BPIFC: variants seen among roughly 807,000 people sequenced by gnomAD.
The protein encoded by BPIFC is BPI fold containing family C, also known as BPI fold-containing family C protein.
BPIFC carries 60 observed loss-of-function variants against 57.6 expected under a neutral mutation model. The observed-to-expected ratio is 1.04, with a 90% CI of 0.85 to 1.29. The LOEUF (loss-of-function observed/expected upper bound fraction) is 1.29, where lower values mean the gene tolerates loss of function less well. Among genes scored for constraint, BPIFC ranks in the 50% most tolerant of loss-of-function variants. The pLI is 0.00. For missense variants in BPIFC, 581 were observed against 600.5 expected (o/e 0.97, Z 0.34); for synonymous variants, 243 against 224.5 (o/e 1.08, Z -0.74).
chr22:32,432,163 C>T (rs1010434807), intron 12 of BPIFC, among the ~76,000 whole-genome samples: 1 of 151,590 alleles, frequency 6.6e-6, no homozygotes, highest in Non-Finnish European at 1.5e-5. Flanking sequence ...CCAGGCTGGT[C>T]TCTAACTCCT....
chr22:32,447,469 T>A, intron 4 of BPIFC, 129 bp from the exon 5 acceptor site: 1 of 1,109,432 alleles, frequency 9.0e-7, no homozygotes, highest in Non-Finnish European at 1.2e-6. Flanking sequence ...GAAAAGAACC[T>A]CCTGTCTGCA....
At chr22:32,424,645 T>C (rs199786011) in intron 13 of BPIFC, among the ~76,000 whole-genome samples, 1,014 of 29,796 alleles carry the variant, frequency 0.034, 179 homozygotes, top group East Asian at 0.27. Context: ...TCTTCTTCTC[T>C]TCTTCTTCTT....
In BPIFC at chr22:32,436,366, AG is replaced by A. The variant is rs1325416757; in HGVS notation, c.748-487del. ...GAGGAAGAGGAGGAGGAGGAGGAGG[AG>A]GAGGAGGAGGAAGAGGAGGAGGAGG... On this transcript the variant is annotated intron_variant, in intron 9 of 16. Transcript: ENST00000300399. 7.2e-4 allele frequency among the ~76,000 whole-genome samples: 72 copies of A among 100,262 alleles called. 2 individuals carry two copies. The highest frequency in any genetic ancestry group is 2.1e-3 in the African/African-American group (67 of 31,728). 65.8% of individuals were successfully genotyped at this position (100,262 alleles called of 152,430 possible).
intron 7 of BPIFC, among the ~76,000 whole-genome samples, chr22:32,443,125 C>T (rs560054884): frequency 3.6e-4 from 53 of 149,138 alleles, no homozygotes; most frequent in African/African-American, 1.2e-3. Flanking sequence ...CCTCTAGGAG[C>T]GGTTGCATGC....
chr22:32,430,131 G>A (rs1934199242), intron 13 of BPIFC, among the ~76,000 whole-genome samples: 1 of 152,144 alleles, frequency 6.6e-6, no homozygotes, highest in South Asian at 2.1e-4. Context: ...TGTGTCACAT[G>A]CATTTGACAG....
At chr22:32,453,527 C>T (rs1287260783) in intron 3 of BPIFC, 24 bp from the exon 4 acceptor site, 2 of 1,561,024 alleles carry the variant, frequency 1.3e-6, no homozygotes, top group Non-Finnish European at 1.7e-6. Context: ...AAGAAAGAAT[C>T]TGTTGATAAT....
At chr22:32,461,981 G>A (rs1258366881) in intron 1 of BPIFC, among the ~76,000 whole-genome samples, 1 of 151,884 alleles carries the variant, frequency 6.6e-6, no homozygotes, top group Non-Finnish European at 1.5e-5. Flanking sequence ...AGGCCATCCT[G>A]GCTAACATGG....
chr22:32,442,291 C>T (rs1238734295), intron 8 of BPIFC, among the ~76,000 whole-genome samples: 5 of 152,106 alleles, frequency 3.3e-5, no homozygotes, highest in East Asian at 3.9e-4. Flanking sequence ...TGCTAAGGTG[C>T]GAGGACTTGA....
chr22:32,462,201 A>G (rs1022738679), intron 1 of BPIFC, among the ~76,000 whole-genome samples: 10 of 150,788 alleles, frequency 6.6e-5, no homozygotes, highest in Non-Finnish European at 1.2e-4. Flanking sequence ...GAAAAAAGAA[A>G]AAAAAGAAAA....
intron 16 of BPIFC, among the ~76,000 whole-genome samples, chr22:32,414,728 G>A (rs1370496168): frequency 1.2e-4 from 19 of 152,192 alleles, no homozygotes; most frequent in South Asian, 6.2e-4. Flanking sequence ...TGGCCAGGCT[G>A]GTCTCGAACT....
At chr22:32,458,826 A>G (rs1935099456) in intron 2 of BPIFC, among the ~76,000 whole-genome samples, 1 of 152,220 alleles carries the variant, frequency 6.6e-6, no homozygotes, top group South Asian at 2.1e-4. Flanking sequence ...CCAGTACAAT[A>G]CCTGGCACAT....
At chr22:32,420,882 G>T (rs62241168) in intron 13 of BPIFC, among the ~76,000 whole-genome samples, 3 of 152,146 alleles carry the variant, frequency 2.0e-5, no homozygotes, top group African/African-American at 7.2e-5. Context: ...TACCTGCCTC[G>T]CAGGGCTGTA....
intron 7 of BPIFC, among the ~76,000 whole-genome samples, chr22:32,443,186 C>G (rs1345966918): frequency 7.3e-6 from 1 of 137,604 alleles, no homozygotes; most frequent in Admixed American, 7.8e-5. Context: ...TTTTTTGAGA[C>G]GAAGTCTCGC....
intron 13 of BPIFC, among the ~76,000 whole-genome samples, chr22:32,419,969 G>T (rs1933795048): frequency 6.6e-6 from 1 of 152,060 alleles, no homozygotes; most frequent in East Asian, 1.9e-4. Context: ...GGTTCCCCAA[G>T]GGCGTTTGCT....
rs61507713 is a variant in BPIFC at position 32,445,713 on chromosome 22, G to GAAAAAAAA, written c.531-23_531-16dup. 8.8e-4 allele frequency: 623 copies of GAAAAAAAA among 711,036 alleles called. 16 individuals carry two copies. The highest frequency in any genetic ancestry group is 3.5e-3 in the South Asian group (143 of 40,736). 44.0% of individuals were successfully genotyped at this position (711,036 alleles called of 1,614,324 possible). ...TATACAGAACACTGAGGAAAAAAAT[G>GAAAAAAAA]AAAAAAAAAAAAAAAAAAAAAAGAG... On this transcript the variant is annotated splice_polypyrimidine_tract_variant and intron_variant, in intron 6 of 16. Coordinates refer to ENST00000300399, the MANE Select transcript of BPIFC (RefSeq NM_174932.3).
At chr22:32,440,432 G>C (rs1170958214) in intron 8 of BPIFC, among the ~76,000 whole-genome samples, 1 of 152,210 alleles carries the variant, frequency 6.6e-6, no homozygotes, top group Non-Finnish European at 1.5e-5. Flanking sequence ...GTGAGCCACT[G>C]CGCCTGATAT....
chr22:32,429,267 C>T (rs1360059417), intron 13 of BPIFC, among the ~76,000 whole-genome samples: 1 of 151,484 alleles, frequency 6.6e-6, no homozygotes, highest in African/African-American at 2.4e-5. Context: ...AGTGCAGTGG[C>T]GCCATCTCGG....
chr22:32,432,444 T>C lies in BPIFC; in HGVS notation c.1078A>G (p.Ile360Val), dbSNP rs924392807. The C allele has an allele frequency of 1.2e-6, 2 of 1,614,014 alleles. No homozygotes were observed. Among genetic ancestry groups the C allele is most frequent in the African/African-American group, 1.3e-5 (1 of 74,916 alleles). Residue 360 changes from isoleucine (I) to valine (V), a missense_variant, in exon 12 of 17, where the codon ATC becomes GTC. By Grantham distance (29) the Ile-to-Val change is conservative. Coordinates refer to ENST00000300399, the MANE Select transcript of BPIFC (RefSeq NM_174932.3). ...NLQPGNFTLD[I>V]PASIMMLTQP... ...GTGAGCATCATGATGGAGGCAGGGATGTCCAGGGTGAAATTGCCTGGTTGT... is the reference window on the plus strand; with the variant it reads ...GTGAGCATCATGATGGAGGCAGGGACGTCCAGGGTGAAATTGCCTGGTTGT...
intron 2 of BPIFC, among the ~76,000 whole-genome samples, chr22:32,460,805 G>T (rs1935144809): frequency 6.6e-6 from 1 of 152,104 alleles, no homozygotes; most frequent in Non-Finnish European, 1.5e-5. Context: ...CTTATGATTT[G>T]CCTTCCCTAC....
Sources: gnomAD v4.1 joint callset for allele counts (sites outside exome capture counted in the v4.1 genomes callset) on GRCh38, gnomAD v4.1.1 for gene constraint, MANE v1.5 for transcripts, NCBI Gene and HGNC (gene_info 2026-07-23, HGNC 2026-07-21) for gene names.